Variants in EYA4 observed in about 807,000 individuals in gnomAD.
The protein encoded by EYA4 is protein phosphatase EYA4.
In EYA4, 31 loss-of-function variants were observed where a neutral mutation model predicts 87.9. That is an observed-to-expected ratio of 0.35 (90% CI 0.27 to 0.48). The LOEUF is 0.48. Among genes scored for constraint, EYA4 ranks in the 20% least tolerant of loss-of-function variants. The pLI is 0.99. For synonymous variants in EYA4, 263 were observed against 270.6 expected, an observed-to-expected ratio of 0.97 and a Z score of 0.28; for missense variants, 678 against 761.4, an observed-to-expected ratio of 0.89 and a Z score of 1.29.
chr6:133,260,940 A>G lies in EYA4; in HGVS notation c.-65-13776A>G, dbSNP rs1181470232. On this transcript the variant is annotated intron_variant, in intron 1 of 19. Coordinates refer to ENST00000355286, the MANE Select transcript of EYA4 (RefSeq NM_004100.5). ...GCCATAAAAGAAGATAATGACAACA[A>G]AACGATAACAACACAAATGTAAACG... Among the ~76,000 whole-genome samples, 3 of 152,188 alleles carry G rather than the reference A, an allele frequency of 2.0e-5. No homozygotes were observed. In the East Asian group the frequency reaches 5.8e-4, roughly 29 times the overall value.
At chr6:133,255,384 T>C (rs1775257841) in intron 1 of EYA4, among the ~76,000 whole-genome samples, 1 of 152,204 alleles carries the variant, frequency 6.6e-6, no homozygotes, top group African/African-American at 2.4e-5. Context: ...TTATGTCTTT[T>C]ATCTTGGTTT....
intron 11 of EYA4, among the ~76,000 whole-genome samples, chr6:133,480,419 G>A (rs994038507): frequency 5.9e-5 from 9 of 152,096 alleles, no homozygotes; most frequent in African/African-American, 2.2e-4. Flanking sequence ...TGATAAATTG[G>A]ATATCAATAA....
At chr6:133,408,594 C>T (rs1206975160) in intron 3 of EYA4, among the ~76,000 whole-genome samples, 3 of 152,144 alleles carry the variant, frequency 2.0e-5, no homozygotes, top group South Asian at 4.1e-4. Context: ...GCTAGCTATA[C>T]AGTGTTGGAC....
At chr6:133,319,851 G>C (rs934372424) in intron 2 of EYA4, among the ~76,000 whole-genome samples, 4 of 151,628 alleles carry the variant, frequency 2.6e-5, no homozygotes, top group Non-Finnish European at 5.9e-5. Context: ...AGAGTAGCTG[G>C]GACTATCGGT....
intron 2 of EYA4, among the ~76,000 whole-genome samples, chr6:133,285,406 G>A (rs189499294): frequency 6.6e-6 from 1 of 152,276 alleles, no homozygotes; most frequent in African/African-American, 2.4e-5. Context: ...GTAGCATGCA[G>A]GGTAGGTTCA....
chr6:133,516,792 T>C (rs1799639928), intron 17 of EYA4, among the ~76,000 whole-genome samples: 1 of 151,950 alleles, frequency 6.6e-6, no homozygotes, highest in African/African-American at 2.4e-5. Context: ...CCTGTGTTAG[T>C]TTGTTAAGGA....
chr6:133,490,014 G>T (rs1268055821), intron 13 of EYA4, among the ~76,000 whole-genome samples: 1 of 152,082 alleles, frequency 6.6e-6, no homozygotes, highest in African/African-American at 2.4e-5. Flanking sequence ...AAAAGCAGGG[G>T]AACAGAGTCA....
intron 3 of EYA4, among the ~76,000 whole-genome samples, chr6:133,445,740 G>A (rs540589465): frequency 5.9e-5 from 9 of 152,064 alleles, no homozygotes; most frequent in African/African-American, 9.6e-5. Context: ...CACCAAGCCC[G>A]GCTGATTTTT....
At chr6:133,453,267 T>C (rs1054996825) in intron 5 of EYA4, among the ~76,000 whole-genome samples, 1 of 152,046 alleles carries the variant, frequency 6.6e-6, no homozygotes. Context: ...TAGAAAAGTA[T>C]ATAGTAGGTG....
At chr6:133,424,187 T>G (rs1790450287) in intron 3 of EYA4, among the ~76,000 whole-genome samples, 1 of 152,198 alleles carries the variant, frequency 6.6e-6, no homozygotes, top group Non-Finnish European at 1.5e-5. Context: ...TCCTATGCCC[T>G]GCTCTGGCTG....
chr6:133,401,386 TAA>T (rs1403285100), intron 3 of EYA4, among the ~76,000 whole-genome samples: 1 of 97,174 alleles, frequency 1.0e-5, no homozygotes, highest in Non-Finnish European at 3.2e-5. Context: ...TCAAAATCTC[TAA>T]AAGAGAATAA....
At chr6:133,422,262 G>A (rs1790284208) in intron 3 of EYA4, among the ~76,000 whole-genome samples, 1 of 152,054 alleles carries the variant, frequency 6.6e-6, no homozygotes. Flanking sequence ...GAATTTAGAA[G>A]TTATCATTCC....
At chr6:133,333,295 A>G (rs1422906497) in intron 2 of EYA4, among the ~76,000 whole-genome samples, 1 of 152,332 alleles carries the variant, frequency 6.6e-6, no homozygotes, top group East Asian at 1.9e-4. Flanking sequence ...AGAACGTAAC[A>G]ATTTAATCTG....
intron 16 of EYA4, among the ~76,000 whole-genome samples, 162 bp from the exon 17 acceptor site, chr6:133,515,159 A>G (rs936620027): frequency 2.6e-5 from 4 of 152,248 alleles, no homozygotes; most frequent in African/African-American, 9.6e-5. Flanking sequence ...TGGATATTCA[A>G]TTCAGAAACG....
At chr6:133,310,193 C>T (rs1172506620) in intron 2 of EYA4, among the ~76,000 whole-genome samples, 1 of 152,152 alleles carries the variant, frequency 6.6e-6, no homozygotes, top group Admixed American at 6.5e-5. Flanking sequence ...TTTCTACTTG[C>T]AAAAGGAAAG....
intron 1 of EYA4, chr6:133,245,061 T>G (rs977243832): frequency 6.6e-6 from 1 of 152,194 alleles, no homozygotes; most frequent in African/African-American, 2.4e-5. Context: ...AATGCAAGTA[T>G]GTATTATGCT....
At chr6:133,388,239 T>C (rs2128490663) in intron 3 of EYA4, among the ~76,000 whole-genome samples, 1 of 151,984 alleles carries the variant, frequency 6.6e-6, no homozygotes, top group Non-Finnish European at 1.5e-5. Flanking sequence ...AGACCCCGTC[T>C]CTACTAAAAA....
chr6:133,303,478 A>G (rs780873633), intron 2 of EYA4, among the ~76,000 whole-genome samples: 15 of 152,170 alleles, frequency 9.9e-5, no homozygotes, highest in African/African-American at 9.7e-5. Flanking sequence ...ATGAACCTGG[A>G]GAGACCAAAG....
chr6:133,314,275 C>T (rs1780461186), intron 2 of EYA4, among the ~76,000 whole-genome samples: 1 of 152,110 alleles, frequency 6.6e-6, no homozygotes, highest in African/African-American at 2.4e-5. Context: ...ATATGTTATA[C>T]ACAAAAGTTG....
Sources: allele counts gnomAD v4.1 joint callset (sites outside exome capture counted in the v4.1 genomes callset), GRCh38; gene constraint gnomAD v4.1.1; transcripts MANE v1.5; gene names NCBI Gene and HGNC (gene_info 2026-07-23, HGNC 2026-07-21).